Variants in AGAP1 observed in about 807,000 individuals in gnomAD.
AGAP1 encodes ArfGAP with GTPase domain, ankyrin repeat and PH domain 1, also known as arf-GAP with GTPase, ANK repeat and PH domain-containing protein 1.
In AGAP1, 29 loss-of-function variants were observed where a neutral mutation model predicts 105.3. The ratio of observed to expected loss-of-function variants is 0.28; its 90% CI spans 0.21 to 0.38. The LOEUF is 0.38. AGAP1 is among the 10% of genes least tolerant of loss of function. The pLI, the probability that AGAP1 is intolerant of heterozygous loss-of-function variation, is 1.00. For synonymous variants in AGAP1, 509 were observed against 485.9 expected (o/e 1.05, Z -0.63); for missense variants, 998 against 1,165.1 (o/e 0.86, Z 2.09).
chr2:235,651,075 G>C (rs1947568366), intron 1 of AGAP1, among the ~76,000 whole-genome samples: 1 of 151,066 alleles, frequency 6.6e-6, no homozygotes, highest in Admixed American at 6.6e-5. Flanking sequence ...CAGCTACTCA[G>C]GAGGCTGAGG....
chr2:236,043,736 A>AAAGGG (rs537659767), intron 15 of AGAP1, among the ~76,000 whole-genome samples: 1 of 138,772 alleles, frequency 7.2e-6, no homozygotes, highest in Admixed American at 7.6e-5. Context: ...AAAAAAAAAA[A>AAAGGG]GTGGGGGGGG....
chr2:235,799,275 C>T lies in AGAP1; in HGVS notation c.802-92C>T, dbSNP rs2150049278. 4 of 1,439,776 alleles carry T rather than the reference C, an allele frequency of 2.8e-6. No homozygotes were observed. The highest frequency in any genetic ancestry group is 4.6e-5 in the East Asian group (2 of 43,852). 89.2% of individuals were successfully genotyped at this position (1,439,776 alleles called of 1,614,324 possible). ...TCCCATGCATCCCTTCCATGGGGCT[C>T]ATGCTCACTTGTTGGTTATGACCTT... On this transcript the variant is annotated intron_variant, in intron 7 of 17. Coordinates refer to ENST00000304032, the MANE Select transcript of AGAP1 (RefSeq NM_001037131.3). The surrounding 1 kb of genome is among the most constrained non-coding windows in gnomAD (Gnocchi z 5.0).
intron 13 of AGAP1, among the ~76,000 whole-genome samples, chr2:235,975,028 G>A (rs972153596): frequency 1.2e-4 from 19 of 152,218 alleles, no homozygotes; most frequent in African/African-American, 4.6e-4. Context: ...GTAAAAGTTA[G>A]GGAAGGCTAA....
intron 16 of AGAP1, among the ~76,000 whole-genome samples, chr2:236,057,315 G>T (rs946718981): frequency 1.1e-4 from 16 of 152,142 alleles, no homozygotes; most frequent in African/African-American, 3.9e-4. Context: ...CAACGTGTTA[G>T]CCAGGCTGGT....
rs1203001106 is a variant in AGAP1, at chr2:236,119,749, C to G, written c.2115-443C>G. The stretch of plus-strand genomic sequence containing the variant: ...GTCCCAGGCAGTAGGGTGGTTTCCC[C>G]TGTGCATCGGTGTGTGAGAGCCACT... On this transcript the variant is annotated intron_variant, in intron 16 of 17. Coordinates refer to ENST00000304032, the MANE Select transcript of AGAP1 (RefSeq NM_001037131.3). This position sits in a 1 kb window ranked among gnomAD's most constrained non-coding sequence, Gnocchi z 6.6. Among the ~76,000 whole-genome samples, 2 of 152,174 alleles carry G rather than the reference C, an allele frequency of 1.3e-5. No individual in the cohort carries two copies. Among genetic ancestry groups the G allele is most frequent in the African/African-American group, 4.8e-5 (2 of 41,440 alleles).
chr2:236,116,828 G>A (rs144547927), intron 16 of AGAP1, among the ~76,000 whole-genome samples: 6 of 150,666 alleles, frequency 4.0e-5, no homozygotes, highest in Admixed American at 2.0e-4. Context: ...TAGCTCCCAC[G>A]TATCAGTGAG....
intron 11 of AGAP1, among the ~76,000 whole-genome samples, chr2:235,921,444 C>T (rs1277289772): frequency 6.6e-6 from 1 of 152,046 alleles, no homozygotes; most frequent in African/African-American, 2.4e-5. Context: ...TGTACTTTTG[C>T]CAAGTATATT....
chr2:235,726,920 A>G (rs1377541854), intron 3 of AGAP1, among the ~76,000 whole-genome samples: 1 of 152,092 alleles, frequency 6.6e-6, no homozygotes. Context: ...GTTCTTGAGG[A>G]GCCCTCTCCC....
rs931493880 is a variant in AGAP1, at chr2:235,733,955, T to G, written c.311-7008T>G. On this transcript the variant is annotated intron_variant, in intron 3 of 17. Coordinates refer to ENST00000304032, the MANE Select transcript of AGAP1 (RefSeq NM_001037131.3). This position sits in a 1 kb window ranked among gnomAD's most constrained non-coding sequence, Gnocchi z 5.0. ...AAATAATATGTGGTCCAAAATTCCTTTTAAATGTCACAATACAAAACTTTT... is the reference window on the plus strand; with the variant it reads ...AAATAATATGTGGTCCAAAATTCCTGTTAAATGTCACAATACAAAACTTTT... Among the ~76,000 whole-genome samples, 6 of 152,244 alleles carry G rather than the reference T, an allele frequency of 3.9e-5. No individual in the cohort carries two copies. Among genetic ancestry groups the G allele is most frequent in the Admixed American group, 3.3e-4 (5 of 15,280 alleles).
intron 16 of AGAP1, among the ~76,000 whole-genome samples, chr2:236,057,389 A>G (rs568831309): frequency 6.6e-6 from 1 of 152,326 alleles, no homozygotes; most frequent in South Asian, 2.1e-4. Context: ...GATTACAGGC[A>G]TGAGCCACTG....
At position 235,569,018 on chromosome 2, in the gene AGAP1, TG is replaced by T. The variant is rs1451149460; in HGVS notation, c.163+74170del. On this transcript the variant is annotated intron_variant, in intron 1 of 17. Coordinates refer to ENST00000304032, the MANE Select transcript of AGAP1 (RefSeq NM_001037131.3). This position sits in a 1 kb window ranked among gnomAD's most constrained non-coding sequence, Gnocchi z 5.9. The stretch of plus-strand genomic sequence containing the variant: ...TTAATCACACCAGCAAAGTTCCTTT[TG>T]CCATATAAGGATATGGCAGCGTATT... Among the ~76,000 whole-genome samples, 3 of 152,252 alleles carry T rather than the reference TG, an allele frequency of 2.0e-5. No homozygotes were observed. The highest frequency in any genetic ancestry group is 7.2e-5 in the African/African-American group (3 of 41,464).
intron 1 of AGAP1, chr2:235,524,528 C>T (rs1172707477): frequency 1.5e-5 from 5 of 339,842 alleles, no homozygotes; most frequent in Non-Finnish European, 2.5e-5. Flanking sequence ...GGGCTGCACC[C>T]AGCCCCCATG....
At position 235,574,298 on chromosome 2, in the gene AGAP1, C is replaced by A. The variant is rs1252213527; in HGVS notation, c.163+79449C>A. Reference sequence around the variant, plus strand: ...CCATCAGGCATTAAAATCTTCCGAACAGAAAAGCTGAAAATGTTCCCTTAC... The same window carrying A: ...CCATCAGGCATTAAAATCTTCCGAAAAGAAAAGCTGAAAATGTTCCCTTAC... On this transcript the variant is annotated intron_variant, in intron 1 of 17. Coordinates refer to ENST00000304032, the MANE Select transcript of AGAP1 (RefSeq NM_001037131.3). This position sits in a 1 kb window ranked among gnomAD's most constrained non-coding sequence, Gnocchi z 5.0. 6.6e-6 allele frequency among the ~76,000 whole-genome samples: 1 copy of A among 152,216 alleles called. No individual in the cohort carries two copies. The highest frequency in any genetic ancestry group is 1.5e-5 in the Non-Finnish European group (1 of 68,036).
At chr2:235,630,053 G>A (rs186720756) in intron 1 of AGAP1, among the ~76,000 whole-genome samples, 1 of 151,816 alleles carries the variant, frequency 6.6e-6, no homozygotes, top group Admixed American at 6.6e-5. Flanking sequence ...TTTTTTTCCA[G>A]CAGGATGGAA....
rs1382540998 is a variant in AGAP1, at chr2:235,690,684, T to A, written c.164-18495T>A. On this transcript the variant is annotated intron_variant, in intron 1 of 17. Coordinates refer to ENST00000304032, the MANE Select transcript of AGAP1 (RefSeq NM_001037131.3). The surrounding 1 kb of genome is among the most constrained non-coding windows in gnomAD (Gnocchi z 4.1). ...TGGCCCTGAATGTGTTTGAAGGAGCTCTTTGGAAAGAGGTGCAGGCTTCCG... is the reference window on the plus strand; with the variant it reads ...TGGCCCTGAATGTGTTTGAAGGAGCACTTTGGAAAGAGGTGCAGGCTTCCG... 6.6e-6 allele frequency among the ~76,000 whole-genome samples: 1 copy of A among 152,118 alleles called. No individual in the cohort carries two copies. The highest frequency in any genetic ancestry group is 2.4e-5 in the African/African-American group (1 of 41,446).
At chr2:235,987,218 T>C in intron 13 of AGAP1, among the ~76,000 whole-genome samples, 1 of 151,996 alleles carries the variant, frequency 6.6e-6, no homozygotes, top group Non-Finnish European at 1.5e-5. Context: ...TTCTTCCTGG[T>C]TTAGTCTTGG....
At position 235,866,814 on chromosome 2, in the gene AGAP1, G is replaced by T. The variant is rs533713317; in HGVS notation, c.1051-16531G>T. 6.6e-6 allele frequency among the ~76,000 whole-genome samples: 1 copy of T among 152,152 alleles called. No individual in the cohort carries two copies. ...CTGTGTCTTCACGTGGTCTTTCTCC[G>T]TGAGTGTCTGTGTCCTGATCTTTTC... is the stretch of plus-strand genomic sequence containing the variant. On this transcript the variant is annotated intron_variant, in intron 9 of 17. Transcript: ENST00000304032. This position sits in a 1 kb window ranked among gnomAD's most constrained non-coding sequence, Gnocchi z 6.1.
rs140418648 is a variant in AGAP1, at chr2:235,766,473, A to G, written c.673+15985A>G. On this transcript the variant is annotated intron_variant, in intron 6 of 17. Coordinates refer to ENST00000304032, the MANE Select transcript of AGAP1 (RefSeq NM_001037131.3). ...TGCTGTCACCATGGAGAATACAGAT[A>G]TAATAAAACACACTGGTTTAAGAGA... Among the ~76,000 whole-genome samples the G allele has an allele frequency of 8.6e-3, 1,317 of 152,366 alleles. 17 individuals are homozygous for G. The highest frequency in any genetic ancestry group is 0.03 in the African/African-American group (1,253 of 41,582).
chr2:235,773,120 A>C (rs957120761), intron 6 of AGAP1, among the ~76,000 whole-genome samples: 18 of 152,226 alleles, frequency 1.2e-4, no homozygotes, highest in African/African-American at 4.1e-4. Flanking sequence ...AAACAAAAGT[A>C]CACTCCACAG....
Sources: allele counts gnomAD v4.1 joint callset (sites outside exome capture counted in the v4.1 genomes callset), GRCh38; gene constraint gnomAD v4.1.1; non-coding constraint Gnocchi (gnomAD v3.1); transcripts MANE v1.5; gene names NCBI Gene and HGNC (gene_info 2026-07-23, HGNC 2026-07-21).